The following PPP1R21 variants were observed in gnomAD, a reference collection of about 807,000 sequenced individuals.
PPP1R21 encodes KLRAQ motif containing 1.
PPP1R21 carries 85 observed loss-of-function variants against 112.8 expected under a neutral mutation model. The ratio of observed to expected loss-of-function variants is 0.75; its 90% CI spans 0.63 to 0.90. The LOEUF (loss-of-function observed/expected upper bound fraction) is 0.90, where lower values mean the gene tolerates loss of function less well. Among genes scored for constraint, PPP1R21 ranks in the 40% least tolerant of loss-of-function variants. PPP1R21 has a pLI of 0.00. For synonymous variants in PPP1R21, 381 were observed against 322.3 expected, an observed-to-expected ratio of 1.18 and a Z score of -1.95; for missense variants, 1,199 against 901.5, an observed-to-expected ratio of 1.33 and a Z score of -4.23.
chr2:48,477,238 C>T (rs1470882066), intron 12 of PPP1R21, among the ~76,000 whole-genome samples: 1 of 151,170 alleles, frequency 6.6e-6, no homozygotes, highest in African/African-American at 2.4e-5. Flanking sequence ...CCTGCTTCAG[C>T]CTCCCGAGTA....
chr2:48,501,893 A>T (rs1363404645), intron 17 of PPP1R21: 2 of 152,094 alleles, frequency 1.3e-5, no homozygotes, highest in East Asian at 3.8e-4. Context: ...TAACACTGGC[A>T]TATATATTTC....
At chr2:48,481,269 G>A (rs938615958) in intron 13 of PPP1R21, among the ~76,000 whole-genome samples, 3 of 152,220 alleles carry the variant, frequency 2.0e-5, no homozygotes, top group Non-Finnish European at 2.9e-5. Flanking sequence ...GACTACAGGC[G>A]TGAGCCACTG....
chr2:48,496,081 G>T (rs62135165), intron 16 of PPP1R21, among the ~76,000 whole-genome samples: 17,255 of 152,168 alleles, frequency 0.11, 1,076 homozygotes, highest in Middle Eastern at 0.19. Context: ...AGTATAAGAG[G>T]GGGCAAGAGC....
chr2:48,465,657 G>T lies in PPP1R21; in HGVS notation c.897+15G>T. ...TGAATCAGAAGGTAAATTTAATTCA[G>T]GATACATTTTGTTTGCCCTGAACAA... On this transcript the variant is annotated intron_variant, in intron 9 of 21. Transcript: ENST00000294952. 1 of 1,607,708 alleles carries T rather than the reference G, an allele frequency of 6.2e-7. No individual in the cohort carries two copies. The highest frequency in any genetic ancestry group is 1.1e-5 in the South Asian group (1 of 89,424).
intron 12 of PPP1R21, 45 bp downstream of exon 12, chr2:48,474,864 G>C: frequency 6.4e-7 from 1 of 1,557,180 alleles, no homozygotes; most frequent in Non-Finnish European, 8.7e-7. Context: ...GGACTTAAGA[G>C]TACAAGAAGC....
intron 7 of PPP1R21, among the ~76,000 whole-genome samples, chr2:48,463,063 C>G (rs11677234): frequency 0.25 from 37,345 of 152,118 alleles, 4,837 homozygotes; most frequent in Admixed American, 0.3. Context: ...GTTGTTTAAT[C>G]TTCTGACAGA....
At chr2:48,473,181 A>C (rs1265044852) in intron 11 of PPP1R21, among the ~76,000 whole-genome samples, 6 of 151,928 alleles carry the variant, frequency 3.9e-5, no homozygotes, top group African/African-American at 7.2e-5. Context: ...AAATTCTGTG[A>C]TTTGTGCATA....
intron 4 of PPP1R21, among the ~76,000 whole-genome samples, chr2:48,459,211 T>A (rs547170450): frequency 1.3e-5 from 2 of 152,228 alleles, no homozygotes; most frequent in East Asian, 3.9e-4. Flanking sequence ...AGACACGCTT[T>A]TCAGTCTTTG....
chr2:48,478,764 TATCGCTA>T (rs1468894935), intron 12 of PPP1R21, among the ~76,000 whole-genome samples: 1 of 152,224 alleles, frequency 6.6e-6, no homozygotes, highest in Non-Finnish European at 1.5e-5. Context: ...GTTTAACTTA[TATCGCTA>T]ATCTACCAAT....
rs56150780 is a variant in PPP1R21, at chr2:48,484,514, CTTTTT to C, written c.1319-2102_1319-2098del. On this transcript the variant is annotated intron_variant, in intron 13 of 21. Transcript: ENST00000294952. ...ATCTTTGGACTAAATAAAGAATAAA[CTTTTT>C]TTTTTTTTTTTTTTCTGGACTGATT... Among the ~76,000 whole-genome samples, 6 of 122,990 alleles carry C rather than the reference CTTTTT, an allele frequency of 4.9e-5. No homozygotes were observed. The South Asian group carries it at 7.4e-4, about 15-fold the overall frequency. 80.7% of individuals were successfully genotyped at this position (122,990 alleles called of 152,430 possible).
Position 48,491,188 on chromosome 2 carries a change from A to G in PPP1R21, c.1599+18A>G. ...TGAGAAAGGTTTGTTAGCTGCTGTT[A>G]ATATTTAAATCAGAGGAAACATCAG... On this transcript the variant is annotated intron_variant, in intron 15 of 21. Transcript: ENST00000294952. 6.2e-7 allele frequency: 1 copy of G among 1,605,678 alleles called. No individual in the cohort carries two copies.
At chr2:48,476,377 A>T (rs920107226) in intron 12 of PPP1R21, among the ~76,000 whole-genome samples, 1 of 152,036 alleles carries the variant, frequency 6.6e-6, no homozygotes, top group Non-Finnish European at 1.5e-5. Context: ...GGTTGTTTCT[A>T]CCTTTTGGCT....
Position 48,464,940 on chromosome 2 carries a change from A to G in PPP1R21, c.698A>G (p.Tyr233Cys), listed in dbSNP as rs750239110. 2.6e-6 allele frequency: 4 copies of G among 1,566,234 alleles called. No homozygotes were observed. Among genetic ancestry groups the G allele is most frequent in the Non-Finnish European group, 3.4e-6 (4 of 1,164,878 alleles). The change falls in exon 8 of 22, where the codon TAT (tyrosine) becomes TGT (cysteine). Residue 233 changes from tyrosine to cysteine, a missense_variant. Tyr to Cys is a radical substitution (Grantham distance 194). Coordinates refer to ENST00000294952, the MANE Select transcript of PPP1R21 (RefSeq NM_001135629.3). ...GTACATTATTTTTCTTCTGTAGAATATAGTCAGTACAACGCTCTGAACGTT... is the reference window on the plus strand; with the variant it reads ...GTACATTATTTTTCTTCTGTAGAATGTAGTCAGTACAACGCTCTGAACGTT... Reference protein sequence around the residue: ...NEKVPFNDTKYSQYNALNVPL... With the variant: ...NEKVPFNDTKCSQYNALNVPL...
chr2:48,477,828 G>C (rs1298338581), intron 12 of PPP1R21, among the ~76,000 whole-genome samples: 1 of 152,084 alleles, frequency 6.6e-6, no homozygotes, highest in Non-Finnish European at 1.5e-5. Flanking sequence ...GTTGTGAGTT[G>C]AATTGTGTCC....
At chr2:48,470,187 G>A (rs1668437709) in intron 9 of PPP1R21, among the ~76,000 whole-genome samples, 2 of 152,112 alleles carry the variant, frequency 1.3e-5, no homozygotes, top group South Asian at 4.1e-4. Context: ...TACTGAATTA[G>A]TCCCTTGTAA....
At chr2:48,446,384 AC>A (rs1484010485) in intron 1 of PPP1R21, among the ~76,000 whole-genome samples, 2 of 152,126 alleles carry the variant, frequency 1.3e-5, no homozygotes, top group African/African-American at 4.8e-5. Flanking sequence ...CTATTCCAGA[AC>A]CAGAGTTGTA....
At chr2:48,469,488 C>CATATATATATATATATAGAGCATATATAT (rs1390976389) in intron 9 of PPP1R21, among the ~76,000 whole-genome samples, 2 of 44,766 alleles carry the variant, frequency 4.5e-5, no homozygotes, top group South Asian at 6.1e-4. Flanking sequence ...ATATATAGAG[C>CATATATATATATATATAGAGCATATATAT]ATATATATAT....
intron 9 of PPP1R21, among the ~76,000 whole-genome samples, chr2:48,468,807 C>G (rs1668318244): frequency 6.8e-6 from 1 of 146,738 alleles, no homozygotes. Flanking sequence ...AGAGTGAGAC[C>G]CTGTCTCAAG....
In PPP1R21 at chr2:48,501,257, G is replaced by T. The variant is rs1670098939; in HGVS notation, c.1935+2522G>T. On this transcript the variant is annotated intron_variant, in intron 17 of 21. Coordinates refer to ENST00000294952, the MANE Select transcript of PPP1R21 (RefSeq NM_001135629.3). The stretch of plus-strand genomic sequence containing the variant: ...CCTTTAGATTTTTCCTTCAGTGTCT[G>T]TCTCAAATGATGGGGTCAGACTGTT... Among the ~76,000 whole-genome samples the T allele has an allele frequency of 2.0e-5, 3 of 152,306 alleles. No individual in the cohort carries two copies. The South Asian group carries it at 6.2e-4, about 32-fold the overall frequency.
Sources: gnomAD v4.1 joint callset for allele counts (sites outside exome capture counted in the v4.1 genomes callset) on GRCh38, gnomAD v4.1.1 for gene constraint, MANE v1.5 for transcripts, NCBI Gene and HGNC (gene_info 2026-07-23, HGNC 2026-07-21) for gene names.